Variants in ST18 observed in about 807,000 individuals in gnomAD.
ST18 encodes the protein ST18 C2H2C-type zinc finger transcription factor, also known as suppression of tumorigenicity 18 protein.
Under a neutral mutation model 110.0 loss-of-function variants are expected in ST18, and 50 were observed. The ratio of observed to expected loss-of-function variants is 0.45; its 90% CI spans 0.36 to 0.58. The LOEUF is 0.58. ST18 is among the 20% of genes least tolerant of loss of function. The pLI, the probability that ST18 is intolerant of heterozygous loss-of-function variation, is 0.00. For synonymous variants in ST18, 461 were observed against 452.4 expected, an observed-to-expected ratio of 1.02 and a Z score of -0.24; for missense variants, 1,306 against 1,280.1, an observed-to-expected ratio of 1.02 and a Z score of -0.31.
intron 2 of ST18, among the ~76,000 whole-genome samples, chr8:52,318,680 ATAAGAAAATGTGGTACATATACTGGG>A (rs1445514228): frequency 1.3e-5 from 2 of 152,222 alleles, no homozygotes; most frequent in Non-Finnish European, 2.9e-5. Flanking sequence ...GGCATTTAGG[ATAAGAAAATGTGGTACATATACTGGG>A]TAAGAAAATG....
At chr8:52,116,469 T>C in intron 24 of ST18, 51 bp from the exon 25 acceptor site, 11 of 1,564,752 alleles carry the variant, frequency 7.0e-6, no homozygotes, top group Non-Finnish European at 9.5e-6. Context: ...GGAAGGAGTG[T>C]AAAAGGTTTC....
intron 2 of ST18, among the ~76,000 whole-genome samples, chr8:52,297,367 T>C (rs1456277331): frequency 1.3e-5 from 2 of 152,286 alleles, no homozygotes; most frequent in Middle Eastern, 3.2e-3. Flanking sequence ...CACAGAGTAC[T>C]TGCTCAATAA....
chr8:52,408,146 A>G (rs1432157752), intron 2 of ST18, among the ~76,000 whole-genome samples: 1 of 152,190 alleles, frequency 6.6e-6, no homozygotes, highest in Non-Finnish European at 1.5e-5. Flanking sequence ...ACATCAAACT[A>G]ATTTAATGTA....
At chr8:52,129,060 A>G (rs563993165) in intron 22 of ST18, among the ~76,000 whole-genome samples, 1 of 80,932 alleles carries the variant, frequency 1.2e-5, no homozygotes, top group Non-Finnish European at 2.2e-5. Context: ...CATCCTGCAT[A>G]TATATACATA....
intron 2 of ST18, chr8:52,406,773 G>C (rs1384904068): frequency 6.6e-6 from 1 of 152,214 alleles, no homozygotes; most frequent in African/African-American, 2.4e-5. Context: ...AGTGAGCTGA[G>C]AGTTCAAGGG....
Position 52,142,948 on chromosome 8 carries a change from A to G in ST18, c.2150T>C (p.Leu717Pro). The G allele has an allele frequency of 1.2e-6, 2 of 1,613,492 alleles. No individual in the cohort carries two copies. Among genetic ancestry groups the G allele is most frequent in the South Asian group, 1.1e-5 (1 of 91,014 alleles). ...CACTTACGTGATTAGTTCCTTTTTG[A>G]GATCTCTTGCATGAAGCTTGGGTTT... ...SPKPKLHARD[L>P]KKELITCPTP... is the part of the protein sequence containing the mutation. Residue 717 changes from leucine (L) to proline (P), a missense_variant, in exon 17 of 26, where the codon CTC becomes CCC. Physicochemically the swap from Leu to Pro is moderately conservative, Grantham distance 98. Coordinates refer to ENST00000689386, the MANE Select transcript of ST18 (RefSeq NM_001352837.2).
At chr8:52,290,087 T>C (rs184510824) in intron 2 of ST18, among the ~76,000 whole-genome samples, 1 of 152,230 alleles carries the variant, frequency 6.6e-6, no homozygotes. Context: ...CTCTGGTGGA[T>C]CCATGTCCCT....
chr8:52,354,766 G>C (rs1821922892), intron 2 of ST18, among the ~76,000 whole-genome samples: 1 of 152,164 alleles, frequency 6.6e-6, no homozygotes, highest in African/African-American at 2.4e-5. Flanking sequence ...TGAAGAAGTT[G>C]AGCAAGAAAG....
At chr8:52,165,677 C>A (rs1306896032) in intron 11 of ST18, among the ~76,000 whole-genome samples, 1 of 152,184 alleles carries the variant, frequency 6.6e-6, no homozygotes, top group Non-Finnish European at 1.5e-5. Flanking sequence ...TCCCCACACC[C>A]CACTGCCATT....
rs773786754 is a variant in ST18 at position 52,133,114 on chromosome 8, C to A, written c.2387G>T (p.Arg796Met). Residue 796 changes from arginine (R) to methionine (M), a missense_variant, in exon 21 of 26, where the codon AGG (arginine) becomes ATG (methionine). Arg to Met is a moderately conservative substitution (Grantham distance 91). Transcript: ENST00000689386. ...HRSLSGCPRA[R>M]KGGVKMTPTK... ...AGGGGTCATTTTGACACCACCTTTC[C>A]TTGCACGAGGGCATCCGGACAAGCT... The A allele has an allele frequency of 6.2e-7, 1 of 1,614,026 alleles. No individual in the cohort carries two copies. Among genetic ancestry groups the A allele is most frequent in the African/African-American group, 1.3e-5 (1 of 74,902 alleles).
intron 2 of ST18, among the ~76,000 whole-genome samples, chr8:52,247,623 T>C (rs550920849): frequency 5.1e-4 from 77 of 152,292 alleles, no homozygotes; most frequent in African/African-American, 1.8e-3. Context: ...TAAATTGTAA[T>C]ACATGAGATT....
intron 8 of ST18, chr8:52,194,671 T>C (rs2075640031): frequency 6.6e-6 from 1 of 152,204 alleles, no homozygotes; most frequent in Non-Finnish European, 1.5e-5. Context: ...CCATGTGGGC[T>C]TCTCTGCCCA....
chr8:52,137,273 T>C (rs1303345175), intron 18 of ST18, 148 bp downstream of exon 18: 4 of 775,502 alleles, frequency 5.2e-6, no homozygotes, highest in African/African-American at 3.5e-5. Flanking sequence ...TTATATCACA[T>C]AATTTTATTT....
intron 2 of ST18, among the ~76,000 whole-genome samples, chr8:52,361,409 T>C (rs1825689993): frequency 6.6e-6 from 1 of 152,132 alleles, no homozygotes; most frequent in Non-Finnish European, 1.5e-5. Flanking sequence ...TCAAGACATA[T>C]GGAAGGCATG....
chr8:52,383,359 T>C (rs1835321774), intron 2 of ST18, among the ~76,000 whole-genome samples: 1 of 152,230 alleles, frequency 6.6e-6, no homozygotes, highest in Non-Finnish European at 1.5e-5. Context: ...CTGATAAATA[T>C]ATAATGAACA....
intron 2 of ST18, among the ~76,000 whole-genome samples, chr8:52,358,303 C>T (rs1824098434): frequency 6.6e-6 from 1 of 151,814 alleles, no homozygotes; most frequent in South Asian, 2.1e-4. Context: ...AGCTAGAAAA[C>T]CAGGAGCAAG....
chr8:52,161,490 T>C lies in ST18; in HGVS notation c.1479A>G (p.Glu493=), dbSNP rs781324136. Residue 493 remains glutamate, a synonymous_variant, in exon 14 of 26, where the codon GAA becomes GAG. Transcript: ENST00000689386. ...ITSPRATVSK[E]QEKFGKVPFD... ...ATGGTACTTTTCCAAACTTCTCTTG[T>C]TCTTTTGACACTGTGGCTCTGGGAG... 1 of 1,614,218 alleles carries C rather than the reference T, an allele frequency of 6.2e-7. No individual in the cohort carries two copies. Among genetic ancestry groups the C allele is most frequent in the South Asian group, 1.1e-5 (1 of 91,082 alleles).
At chr8:52,175,721 A>G (rs1587772010) in intron 9 of ST18, among the ~76,000 whole-genome samples, 1 of 152,180 alleles carries the variant, frequency 6.6e-6, no homozygotes, top group African/African-American at 2.4e-5. Context: ...TTTCTACTCC[A>G]GTTCACAGAA....
At chr8:52,334,002 G>C (rs1810873817) in intron 2 of ST18, among the ~76,000 whole-genome samples, 1 of 152,238 alleles carries the variant, frequency 6.6e-6, no homozygotes, top group Non-Finnish European at 1.5e-5. Context: ...CTACAGGGCA[G>C]CACTCAGATA....
Sources: allele counts gnomAD v4.1 joint callset (sites outside exome capture counted in the v4.1 genomes callset), GRCh38; gene constraint gnomAD v4.1.1; transcripts MANE v1.5; gene names NCBI Gene and HGNC (gene_info 2026-07-23, HGNC 2026-07-21).